The following SHISA6 variants were observed in gnomAD, a reference collection of about 807,000 sequenced individuals.
The protein encoded by SHISA6 is shisa family member 6.
Under a neutral mutation model 47.9 loss-of-function variants are expected in SHISA6, and 22 were observed. The ratio of observed to expected loss-of-function variants is 0.46; its 90% CI spans 0.33 to 0.66. The LOEUF is 0.66. Among genes scored for constraint, SHISA6 ranks in the 30% least tolerant of loss-of-function variants. The probability of loss-of-function intolerance (pLI) is 0.02; values close to 1 mark genes in which losing one functional copy is unlikely to be tolerated. For synonymous variants in SHISA6, 388 were observed against 337.8 expected, an observed-to-expected ratio of 1.15 and a Z score of -1.63; for missense variants, 680 against 764.6, an observed-to-expected ratio of 0.89 and a Z score of 1.30.
intron 3 of SHISA6, among the ~76,000 whole-genome samples, chr17:11,498,975 AAG>A (rs1465917583): frequency 6.6e-6 from 1 of 152,160 alleles, no homozygotes; most frequent in Non-Finnish European, 1.5e-5. Flanking sequence ...TTAAAAGGGA[AAG>A]AGCGAGGCAG....
intron 3 of SHISA6, among the ~76,000 whole-genome samples, chr17:11,520,257 C>T (rs570085620): frequency 6.6e-6 from 1 of 151,770 alleles, no homozygotes; most frequent in African/African-American, 2.4e-5. Context: ...CTCACCACCA[C>T]CAACTGTGCG....
At chr17:11,410,340 G>A (rs911343979) in intron 3 of SHISA6, among the ~76,000 whole-genome samples, 10 of 152,108 alleles carry the variant, frequency 6.6e-5, no homozygotes, top group African/African-American at 2.2e-4. Flanking sequence ...CAGGTCCTTC[G>A]CCTATGTTTT....
At chr17:11,548,462 T>C (rs988449312) in intron 3 of SHISA6, among the ~76,000 whole-genome samples, 18 of 145,228 alleles carry the variant, frequency 1.2e-4, no homozygotes, top group African/African-American at 4.3e-4. Context: ...TATATATACA[T>C]ATATCACAAG....
intron 2 of SHISA6, among the ~76,000 whole-genome samples, chr17:11,350,720 A>G (rs1256922377): frequency 6.6e-6 from 1 of 152,016 alleles, no homozygotes; most frequent in Non-Finnish European, 1.5e-5. Flanking sequence ...CATTTTTTCT[A>G]GTATATAAAT....
chr17:11,531,703 G>T (rs1272355613), intron 3 of SHISA6, among the ~76,000 whole-genome samples: 1 of 152,176 alleles, frequency 6.6e-6, no homozygotes, highest in East Asian at 1.9e-4. Context: ...ACAGTAATCA[G>T]TGGCTCCATG....
chr17:11,263,056 C>A (rs902477740), intron 1 of SHISA6, among the ~76,000 whole-genome samples: 2 of 152,166 alleles, frequency 1.3e-5, no homozygotes, highest in East Asian at 3.9e-4. Context: ...GCTATAGATA[C>A]CTGCCTGGCA....
chr17:11,243,242 C>T (rs1291544663), intron 1 of SHISA6, among the ~76,000 whole-genome samples: 1 of 151,746 alleles, frequency 6.6e-6, no homozygotes, highest in African/African-American at 2.4e-5. Context: ...TTAATCACCC[C>T]TGCCTTGCTG....
Position 11,557,977 on chromosome 17 carries a change from C to G in SHISA6, c.1329C>G (p.Asp443Glu), listed in dbSNP as rs369941337. The stretch of plus-strand genomic sequence containing the variant: ...TGCCCTACGACCGCATCCTGTCCGA[C>G]GAGCAGCTGCTCTCCACGGAGCGCC... ...FSMPYDRILSDEQLLSTERLH... is the reference protein window; with the variant it reads ...FSMPYDRILSEEQLLSTERLH... Residue 443 changes from aspartate (D) to glutamate (E), a missense_variant, in exon 6 of 6, where the codon GAC (aspartate) becomes GAG (glutamate). Around this residue, in one of 2 missense-constraint regions of SHISA6, gnomAD observed 559 missense variants for 674.1 expected, o/e 0.83. Coordinates refer to ENST00000441885, the MANE Select transcript of SHISA6 (RefSeq NM_207386.4). The G allele has an allele frequency of 6.4e-7, 1 of 1,551,522 alleles. No individual in the cohort carries two copies. Among genetic ancestry groups the G allele is most frequent in the East Asian group, 2.4e-5 (1 of 40,916 alleles).
At chr17:11,472,073 T>C (rs1027989434) in intron 3 of SHISA6, among the ~76,000 whole-genome samples, 5 of 152,150 alleles carry the variant, frequency 3.3e-5, no homozygotes, top group African/African-American at 1.2e-4. Flanking sequence ...GCCCTAAGAA[T>C]CCTCTGTGCC....
intron 3 of SHISA6, among the ~76,000 whole-genome samples, chr17:11,475,208 AGAT>A (rs1305803827): frequency 2.0e-5 from 3 of 152,148 alleles, no homozygotes; most frequent in Non-Finnish European, 4.4e-5. Flanking sequence ...TTTTCTATGT[AGAT>A]GATTGTGTCA....
rs193122583 is a variant in SHISA6 at position 11,300,928 on chromosome 17, G to T, written c.799+37402G>T. Reference sequence around the variant, plus strand: ...ATACTGTAATTGTTCAGCCCTGTATGGGGTGGGGGGAGAGAAAATCACAAC... The same window carrying T: ...ATACTGTAATTGTTCAGCCCTGTATTGGGTGGGGGGAGAGAAAATCACAAC... On this transcript the variant is annotated intron_variant, in intron 2 of 5. Transcript: ENST00000441885. 2.0e-3 allele frequency among the ~76,000 whole-genome samples: 279 copies of T among 141,270 alleles called. 1 individual carries two copies. Among genetic ancestry groups the T allele is most frequent in the African/African-American group, 6.6e-3 (250 of 38,110 alleles). The allele number at this position is 141,270 out of a possible 152,430, so 92.7% of individuals were successfully genotyped here.
intron 1 of SHISA6, among the ~76,000 whole-genome samples, chr17:11,249,659 G>A (rs931924191): frequency 6.6e-6 from 1 of 152,088 alleles, no homozygotes; most frequent in Non-Finnish European, 1.5e-5. Flanking sequence ...ATGTTTCCAC[G>A]GTCCCTCTCT....
At chr17:11,423,713 A>G (rs1183059572) in intron 3 of SHISA6, among the ~76,000 whole-genome samples, 1 of 152,168 alleles carries the variant, frequency 6.6e-6, no homozygotes, top group African/African-American at 2.4e-5. Context: ...AAAATAAGTA[A>G]GACTTCTAGC....
At chr17:11,409,838 C>T (rs929626255) in intron 3 of SHISA6, among the ~76,000 whole-genome samples, 1 of 152,050 alleles carries the variant, frequency 6.6e-6, no homozygotes, top group Admixed American at 6.6e-5. Context: ...CAAGAACTTA[C>T]CTGGAATAGT....
At chr17:11,303,977 G>A (rs543779763) in intron 2 of SHISA6, among the ~76,000 whole-genome samples, 3 of 152,182 alleles carry the variant, frequency 2.0e-5, no homozygotes, top group African/African-American at 4.8e-5. Context: ...GGGCCTGACC[G>A]GCTCCATATC....
chr17:11,473,317 G>GT (rs57900600), intron 3 of SHISA6, among the ~76,000 whole-genome samples: 2,993 of 152,008 alleles, frequency 0.02, 94 homozygotes, highest in African/African-American at 0.066. Context: ...TCCATTTTGG[G>GT]TTTTTTTTAA....
chr17:11,290,903 C>G (rs1042927689), intron 2 of SHISA6: 1 of 152,042 alleles, frequency 6.6e-6, no homozygotes, highest in Non-Finnish European at 1.5e-5. Context: ...CCCCCATGCT[C>G]TTCGCCTTGA....
Position 11,387,211 on chromosome 17 carries a change from A to C in SHISA6, c.895+7702A>C, listed in dbSNP as rs910219971. ...AACCCTGAACAGATCTCGTCATCCC[A>C]TCCAAATAATGCTGTTGGGGACTGG... On this transcript the variant is annotated intron_variant, in intron 3 of 5. Coordinates refer to ENST00000441885, the MANE Select transcript of SHISA6 (RefSeq NM_207386.4). Among the ~76,000 whole-genome samples the C allele has an allele frequency of 4.6e-5, 7 of 152,256 alleles. No individual in the cohort carries two copies. The East Asian group carries it at 1.4e-3, about 29-fold the overall frequency.
intron 3 of SHISA6, among the ~76,000 whole-genome samples, chr17:11,461,247 A>T (rs984491448): frequency 1.3e-5 from 2 of 152,250 alleles, no homozygotes; most frequent in Non-Finnish European, 2.9e-5. Context: ...AATGCAAAAA[A>T]TTAGCTGGGC....
Sources: gnomAD v4.1 joint callset for allele counts (sites outside exome capture counted in the v4.1 genomes callset) on GRCh38, gnomAD v4.1.1 for gene constraint, gnomAD v4.1.1 regional missense constraint, MANE v1.5 for transcripts, NCBI Gene and HGNC (gene_info 2026-07-23, HGNC 2026-07-21) for gene names.